The following MYCBP2 variants were observed in gnomAD, a reference collection of about 807,000 sequenced individuals.
The protein encoded by MYCBP2 is MYC binding protein 2, also known as E3 ubiquitin-protein ligase MYCBP2.
A neutral mutation model predicts 525.3 loss-of-function variants in MYCBP2; 120 were observed. The observed-to-expected ratio is 0.23, with a 90% CI of 0.20 to 0.27. MYCBP2 has a LOEUF of 0.27. MYCBP2 is among the 10% of genes least tolerant of loss of function. The probability of loss-of-function intolerance (pLI) is 1.00; values close to 1 mark genes in which losing one functional copy is unlikely to be tolerated. For missense variants in MYCBP2, 4,149 were observed against 5,657.1 expected (o/e 0.73, Z 8.55); for synonymous variants, 1,894 against 1,955.8 (o/e 0.97, Z 0.83).
At chr13:77,165,126 G>A in intron 42 of MYCBP2, 147 bp downstream of exon 42, 1 of 645,484 alleles carries the variant, frequency 1.5e-6, no homozygotes, top group Non-Finnish European at 2.7e-6. Context: ...CTCTCAAAGT[G>A]CTGCAATTAC....
At chr13:77,215,391 TG>T (rs2064679580) in intron 21 of MYCBP2, among the ~76,000 whole-genome samples, 1 of 152,120 alleles carries the variant, frequency 6.6e-6, no homozygotes, top group Non-Finnish European at 1.5e-5. Flanking sequence ...TCAGTGAGTT[TG>T]TTTTTTTGAA....
At chr13:77,139,057 C>G in intron 52 of MYCBP2, 139 bp downstream of exon 52, 2 of 930,556 alleles carry the variant, frequency 2.1e-6, no homozygotes, top group Non-Finnish European at 3.1e-6. Flanking sequence ...ACACAGAAGC[C>G]CTTAAGAATT....
At chr13:77,293,318 G>A (rs1477997775) in intron 2 of MYCBP2, among the ~76,000 whole-genome samples, 1 of 152,142 alleles carries the variant, frequency 6.6e-6, no homozygotes, top group African/African-American at 2.4e-5. Flanking sequence ...AGATAGTCTG[G>A]CTATGGTATA....
At chr13:77,294,366 C>T (rs2077949738) in intron 2 of MYCBP2, among the ~76,000 whole-genome samples, 1 of 151,612 alleles carries the variant, frequency 6.6e-6, no homozygotes, top group Non-Finnish European at 1.5e-5. Flanking sequence ...ATAATGCCTG[C>T]ACATACTCAG....
intron 21 of MYCBP2, among the ~76,000 whole-genome samples, chr13:77,215,281 TGAGA>T (rs948418400): frequency 6.6e-6 from 1 of 151,118 alleles, no homozygotes; most frequent in Non-Finnish European, 1.5e-5. Context: ...CTGAAAGGAG[TGAGA>T]GAGAGAATCC....
At chr13:77,221,827 G>C (rs1168337626) in intron 20 of MYCBP2, among the ~76,000 whole-genome samples, 1 of 152,060 alleles carries the variant, frequency 6.6e-6, no homozygotes. Flanking sequence ...TGGGGAATTG[G>C]TTCCAGGATC....
intron 55 of MYCBP2, among the ~76,000 whole-genome samples, chr13:77,101,263 T>C (rs1348445885): frequency 6.6e-6 from 1 of 152,036 alleles, no homozygotes; most frequent in Non-Finnish European, 1.5e-5. Flanking sequence ...CTCTAATTTA[T>C]AAAAAAGGAC....
At position 77,326,505 on chromosome 13, in the gene MYCBP2, C is replaced by A; in HGVS notation, c.271G>T (p.Gly91Trp). The A allele has an allele frequency of 6.3e-7, 1 of 1,593,044 alleles. No individual in the cohort carries two copies. The highest frequency in any genetic ancestry group is 1.1e-5 in the South Asian group (1 of 90,080). ...YTAALNDRDQ[G>W]GGSAGHPASR... The stretch of plus-strand genomic sequence containing the variant: ...GCTGGGTGTCCAGCGCTGCCGCCCC[C>A]CTGGTCCCTGTCATTGAGCGCAGCG... The change falls in exon 1 of 83, where the codon GGG becomes TGG. Residue 91 changes from glycine to tryptophan, a missense_variant. Around this residue, in one of 21 missense-constraint regions of MYCBP2, gnomAD observed 413 missense variants for 451.2 expected, o/e 0.92. Transcript: ENST00000544440. The surrounding 1 kb of genome is among the most constrained non-coding windows in gnomAD (Gnocchi z 4.2).
chr13:77,187,375 G>A (rs1383925374), intron 30 of MYCBP2, among the ~76,000 whole-genome samples: 1 of 152,162 alleles, frequency 6.6e-6, no homozygotes. Flanking sequence ...TCTACAAACT[G>A]CCATGGCTCT....
chr13:77,062,450 G>T, intron 74 of MYCBP2, 146 bp downstream of exon 74: 1 of 670,372 alleles, frequency 1.5e-6, no homozygotes, highest in Non-Finnish European at 2.5e-6. Context: ...CTTGTGAGAT[G>T]AACTTGGCCG....
chr13:77,114,957 G>T (rs2049464115), intron 55 of MYCBP2, among the ~76,000 whole-genome samples: 2 of 151,904 alleles, frequency 1.3e-5, no homozygotes, highest in African/African-American at 4.8e-5. Flanking sequence ...TTTTCAGTTG[G>T]ATAATCTTGC....
intron 49 of MYCBP2, among the ~76,000 whole-genome samples, chr13:77,143,316 G>A (rs952895614): frequency 1.6e-4 from 24 of 152,276 alleles, no homozygotes; most frequent in African/African-American, 5.5e-4. Flanking sequence ...GTGGACAGGC[G>A]CTGTCCAATC....
At chr13:77,267,434 T>A (rs9318472) in intron 8 of MYCBP2, among the ~76,000 whole-genome samples, 6,143 of 150,500 alleles carry the variant, frequency 0.041, 351 homozygotes, top group African/African-American at 0.1. Context: ...TAAATAAAAT[T>A]AAATTAAATT....
At position 77,326,371 on chromosome 13, in the gene MYCBP2, G is replaced by T. The variant is rs1196006487; in HGVS notation, c.302+103C>A. On this transcript the variant is annotated intron_variant, in intron 1 of 82. Coordinates refer to ENST00000544440, the MANE Select transcript of MYCBP2 (RefSeq NM_015057.5). This position sits in a 1 kb window ranked among gnomAD's most constrained non-coding sequence, Gnocchi z 4.2. Reference sequence around the variant, plus strand: ...AGCGGACTGAAAGCTCAATAAATGCGCAGGTACACACACGCAAGCACACAC... The same window carrying T: ...AGCGGACTGAAAGCTCAATAAATGCTCAGGTACACACACGCAAGCACACAC... The T allele has an allele frequency of 8.7e-7, 1 of 1,151,838 alleles. No homozygotes were observed. The highest frequency in any genetic ancestry group is 1.2e-6 in the Non-Finnish European group (1 of 848,426). 71.4% of individuals were successfully genotyped at this position (1,151,838 alleles called of 1,614,324 possible). A position where few individuals can be genotyped will look rare whatever the true frequency, so the allele number is the denominator to read the frequency against.
At chr13:77,052,537 T>C (rs2037041056) in intron 80 of MYCBP2, among the ~76,000 whole-genome samples, 1 of 152,222 alleles carries the variant, frequency 6.6e-6, no homozygotes. Context: ...AAGCTTAAAG[T>C]AGGCAGTTAC....
At chr13:77,315,239 G>T (rs1272158764) in intron 1 of MYCBP2, among the ~76,000 whole-genome samples, 1 of 152,098 alleles carries the variant, frequency 6.6e-6, no homozygotes, top group Non-Finnish European at 1.5e-5. Flanking sequence ...ACAATCTTAC[G>T]CAAACATTTT....
At chr13:77,317,993 TAACATAACATAACA>T (rs1306665664) in intron 1 of MYCBP2, among the ~76,000 whole-genome samples, 16 of 148,214 alleles carry the variant, frequency 1.1e-4, no homozygotes, top group African/African-American at 3.2e-4. Context: ...TAACATAACA[TAACATAACATAACA>T]GTGGGTCCCT....
chr13:77,152,650 A>T (rs2056645568), intron 46 of MYCBP2, among the ~76,000 whole-genome samples: 1 of 152,188 alleles, frequency 6.6e-6, no homozygotes, highest in Admixed American at 6.5e-5. Flanking sequence ...TTAACCTCAG[A>T]TGGCACCACT....
chr13:77,056,101 T>TGG (rs2037930515), intron 79 of MYCBP2, among the ~76,000 whole-genome samples: 2 of 40,752 alleles, frequency 4.9e-5, no homozygotes, highest in Non-Finnish European at 1.1e-4. Context: ...CTGTGTTTGG[T>TGG]GTGTGTGTGT....
Sources: gnomAD v4.1 joint callset for allele counts (sites outside exome capture counted in the v4.1 genomes callset) on GRCh38, gnomAD v4.1.1 for gene constraint, gnomAD v4.1.1 regional missense constraint, Gnocchi (gnomAD v3.1) non-coding constraint, MANE v1.5 for transcripts, NCBI Gene and HGNC (gene_info 2026-07-23, HGNC 2026-07-21) for gene names.